The following TMEM132B variants were observed in gnomAD, a reference collection of about 807,000 sequenced individuals.
TMEM132B encodes the protein transmembrane protein 132B.
A neutral mutation model predicts 90.8 loss-of-function variants in TMEM132B; 18 were observed. The observed-to-expected ratio is 0.20, with a 90% CI of 0.14 to 0.29. The LOEUF (loss-of-function observed/expected upper bound fraction) is 0.29. Ranked by LOEUF, TMEM132B falls within the 10% of genes least tolerant of loss-of-function variation. TMEM132B has a pLI of 1.00. For synonymous variants in TMEM132B, 504 were observed against 523.3 expected (o/e 0.96, Z 0.50); for missense variants, 1,096 against 1,326.8 (o/e 0.83, Z 2.70).
intron 1 of TMEM132B, among the ~76,000 whole-genome samples, chr12:125,200,603 C>G (rs1873033278): frequency 6.6e-6 from 1 of 152,266 alleles, no homozygotes; most frequent in South Asian, 2.1e-4. Flanking sequence ...TCTATCCCAC[C>G]CACCAGGAAT....
At chr12:125,215,628 A>G (rs1440364878) in intron 1 of TMEM132B, among the ~76,000 whole-genome samples, 2 of 151,038 alleles carry the variant, frequency 1.3e-5, no homozygotes, top group Admixed American at 1.3e-4. Flanking sequence ...CACAACCTCC[A>G]CCTCCCAGGC....
chr12:125,321,901 T>G (rs927814831), intron 1 of TMEM132B, among the ~76,000 whole-genome samples: 6 of 151,544 alleles, frequency 4.0e-5, no homozygotes, highest in African/African-American at 1.5e-4. Context: ...TGCCCCAAAC[T>G]GGAAACAACC....
chr12:125,409,425 G>A (rs376450340), intron 2 of TMEM132B, among the ~76,000 whole-genome samples: 14 of 152,204 alleles, frequency 9.2e-5, no homozygotes, highest in African/African-American at 3.4e-4. Flanking sequence ...GGCATCCGGC[G>A]GCAGTGCTTG....
At chr12:125,638,106 G>A (rs949838379) in intron 5 of TMEM132B, among the ~76,000 whole-genome samples, 1 of 152,194 alleles carries the variant, frequency 6.6e-6, no homozygotes, top group African/African-American at 2.4e-5. Flanking sequence ...GTCCTTGCCT[G>A]GGCTGCACTG....
At chr12:125,223,401 A>G (rs1303965451) in intron 1 of TMEM132B, among the ~76,000 whole-genome samples, 3 of 152,250 alleles carry the variant, frequency 2.0e-5, no homozygotes, top group African/African-American at 4.8e-5. Flanking sequence ...AGTTGCAACT[A>G]TAATTTACAT....
rs985702669 is a variant in TMEM132B at position 125,492,417 on chromosome 12, AGGGTAAGGGAAG to A, written c.1107-27018_1107-27007del. On this transcript the variant is annotated intron_variant, in intron 3 of 8. Transcript: ENST00000682704. This position sits in a 1 kb window ranked among gnomAD's most constrained non-coding sequence, Gnocchi z 5.8. The stretch of plus-strand genomic sequence containing the variant: ...GTGTGAATTTCCCTCTTGAAACCTG[AGGGTAAGGGAAG>A]GGGACTGCACGGCTGCTTTGCAGGG... 1.3e-5 allele frequency among the ~76,000 whole-genome samples: 2 copies of A among 152,042 alleles called. No individual in the cohort carries two copies. The highest frequency in any genetic ancestry group is 4.8e-5 in the African/African-American group (2 of 41,380).
intron 4 of TMEM132B, among the ~76,000 whole-genome samples, chr12:125,575,482 A>C (rs1240327190): frequency 6.6e-6 from 1 of 150,482 alleles, no homozygotes; most frequent in Non-Finnish European, 1.5e-5. Flanking sequence ...CAAATATATT[A>C]TTTGCAAATA....
chr12:125,391,566 A>G (rs1879019627), intron 2 of TMEM132B, among the ~76,000 whole-genome samples: 1 of 152,142 alleles, frequency 6.6e-6, no homozygotes, highest in East Asian at 1.9e-4. Flanking sequence ...ACTCCCCTGC[A>G]GACCTGCAGG....
intron 6 of TMEM132B, among the ~76,000 whole-genome samples, chr12:125,646,282 C>A (rs1401836224): frequency 6.6e-6 from 1 of 152,056 alleles, no homozygotes; most frequent in African/African-American, 2.4e-5. Flanking sequence ...CTGCTAATAG[C>A]AGAATGCAAG....
chr12:125,549,753 C>T (rs1350532359), intron 4 of TMEM132B, among the ~76,000 whole-genome samples: 1 of 152,190 alleles, frequency 6.6e-6, no homozygotes, highest in African/African-American at 2.4e-5. Flanking sequence ...AGAATTGCAA[C>T]CCTTTATCAA....
intron 1 of TMEM132B, among the ~76,000 whole-genome samples, chr12:125,294,839 T>TG (rs34959405): frequency 0.14 from 20,778 of 152,204 alleles, 1,585 homozygotes; most frequent in African/African-American, 0.2. Context: ...TTATAAATAA[T>TG]TGTATAAAGA....
intron 1 of TMEM132B, among the ~76,000 whole-genome samples, chr12:125,223,059 G>A (rs1375044538): frequency 6.6e-6 from 1 of 152,230 alleles, no homozygotes; most frequent in East Asian, 1.9e-4. Flanking sequence ...GTCGATGAAA[G>A]TGATATTGGC....
intron 2 of TMEM132B, among the ~76,000 whole-genome samples, chr12:125,382,058 A>G (rs1399250446): frequency 1.3e-5 from 2 of 152,192 alleles, no homozygotes; most frequent in Non-Finnish European, 2.9e-5. Flanking sequence ...GATGCCCAAC[A>G]TCCCTTTTAG....
chr12:125,210,804 G>T (rs1460297432), intron 1 of TMEM132B, among the ~76,000 whole-genome samples: 2 of 152,020 alleles, frequency 1.3e-5, no homozygotes, highest in East Asian at 3.9e-4. Flanking sequence ...CTTTACAAAA[G>T]ATAAAACAAT....
At chr12:125,584,149 G>A (rs1885122589) in intron 5 of TMEM132B, 155 bp downstream of exon 5, 1 of 1,068,304 alleles carries the variant, frequency 9.4e-7, no homozygotes, top group Non-Finnish European at 1.4e-6. Context: ...TGACCGCAGA[G>A]ACTCCCTGGA....
chr12:125,231,984 G>GT (rs1021190041), intron 1 of TMEM132B, among the ~76,000 whole-genome samples: 3 of 151,868 alleles, frequency 2.0e-5, no homozygotes, highest in Non-Finnish European at 2.9e-5. Flanking sequence ...GGGTGTGTGT[G>GT]TTTTTTAAAA....
intron 4 of TMEM132B, among the ~76,000 whole-genome samples, chr12:125,575,915 T>C (rs1884931312): frequency 6.6e-6 from 1 of 152,090 alleles, no homozygotes. Context: ...AATCAGGAAG[T>C]GTGAGCCTTC....
At chr12:125,495,000 C>G (rs1170199763) in intron 3 of TMEM132B, among the ~76,000 whole-genome samples, 6 of 116,982 alleles carry the variant, frequency 5.1e-5, no homozygotes, top group African/African-American at 6.8e-5. Context: ...GGCTGTGTCC[C>G]TCCTCCCTCT....
At chr12:125,652,661 G>T in intron 8 of TMEM132B, 29 bp downstream of exon 8, 5 of 1,587,890 alleles carry the variant, frequency 3.1e-6, no homozygotes, top group Non-Finnish European at 4.3e-6. Context: ...CTGCGTCCTT[G>T]GTCAGTGGGG....
Sources: allele counts gnomAD v4.1 joint callset (sites outside exome capture counted in the v4.1 genomes callset), GRCh38; gene constraint gnomAD v4.1.1; non-coding constraint Gnocchi (gnomAD v3.1); transcripts MANE v1.5; gene names NCBI Gene and HGNC (gene_info 2026-07-23, HGNC 2026-07-21).